The following KLF8 variants were observed in gnomAD, a reference collection of about 807,000 sequenced individuals.
The protein encoded by KLF8 is Krueppel-like factor 8.
KLF8 carries 10 observed loss-of-function variants against 18.2 expected under a neutral mutation model. The ratio of observed to expected loss-of-function variants is 0.55; its 90% CI spans 0.34 to 0.93. KLF8 has a LOEUF of 0.93. KLF8 is among the 40% of genes least tolerant of loss of function. KLF8 has a pLI of 0.02. For synonymous variants in KLF8, 109 were observed against 97.3 expected (o/e 1.12, Z -0.71); for missense variants, 264 against 277.9 (o/e 0.95, Z 0.36).
the KLF8 span, among the ~76,000 whole-genome samples, chrX:56,088,300 C>A: frequency 9.0e-6 from 1 of 111,427 alleles, no homozygotes; most frequent in Non-Finnish European, 1.9e-5. Context: ...AACTGGAGTT[C>A]TTTTCTTTTT....
the KLF8 span, among the ~76,000 whole-genome samples, chrX:56,086,156 T>TA: frequency 1.8e-5 from 2 of 112,276 alleles, no homozygotes; most frequent in African/African-American, 6.5e-5. Flanking sequence ...TGGGGACGGG[T>TA]ACAAGGAAGC....
chrX:56,226,796 A>G, the KLF8 span, among the ~76,000 whole-genome samples: 3 of 111,924 alleles, frequency 2.7e-5, no homozygotes, highest in African/African-American at 9.7e-5. Flanking sequence ...ACTACTGCTA[A>G]TCTGCCTGGC....
At chrX:56,217,590 A>C in the KLF8 span, among the ~76,000 whole-genome samples, 10 of 110,021 alleles carry the variant, frequency 9.1e-5, no homozygotes, top group Non-Finnish European at 1.5e-4. Flanking sequence ...AATTTTTTAA[A>C]AAATATTTTT....
chrX:55,935,210 G>A, the KLF8 span, among the ~76,000 whole-genome samples: 1 of 112,101 alleles, frequency 8.9e-6, no homozygotes, highest in Non-Finnish European at 1.9e-5. Flanking sequence ...ATTGTTACAA[G>A]TACTTTGAAA....
At chrX:56,049,288 A>T in the KLF8 span, among the ~76,000 whole-genome samples, 2 of 111,417 alleles carry the variant, frequency 1.8e-5, no homozygotes, top group Non-Finnish European at 3.8e-5. Flanking sequence ...TCCTGGCCAG[A>T]ACTTCCAACA....
At chrX:55,926,199 A>G in the KLF8 span, among the ~76,000 whole-genome samples, 1 of 111,648 alleles carries the variant, frequency 9.0e-6, no homozygotes, top group African/African-American at 3.3e-5. Flanking sequence ...AGTATTTTGC[A>G]TACCTGTGAC....
the KLF8 span, among the ~76,000 whole-genome samples, chrX:56,155,029 T>G: frequency 2.7e-5 from 3 of 112,066 alleles, no homozygotes; most frequent in African/African-American, 9.7e-5. Flanking sequence ...AGTTCAACCA[T>G]TGTGGAAGTC....
At chrX:55,938,733 G>A in the KLF8 span, among the ~76,000 whole-genome samples, 3 of 110,420 alleles carry the variant, frequency 2.7e-5, no homozygotes, top group South Asian at 3.9e-4. Flanking sequence ...TCCTAGTCTC[G>A]GATAAAACAG....
chrX:55,978,314 A>G, the KLF8 span, among the ~76,000 whole-genome samples: 1 of 111,749 alleles, frequency 8.9e-6, no homozygotes, highest in Non-Finnish European at 1.9e-5. Context: ...TTCTGCAGAC[A>G]TACAGACATA....
chrX:56,227,052 C>T, the KLF8 span, among the ~76,000 whole-genome samples: 1 of 112,305 alleles, frequency 8.9e-6, no homozygotes, highest in Admixed American at 9.4e-5. Flanking sequence ...CCTCTTTATT[C>T]TCTCCCTTTT....
At chrX:56,212,277 G>A in the KLF8 span, among the ~76,000 whole-genome samples, 362 of 111,838 alleles carry the variant, frequency 3.2e-3, 2 homozygotes, top group Middle Eastern at 9.2e-3. Context: ...GTGTAGCCTG[G>A]TGTTTCAGGT....
At chrX:56,210,321 A>G in the KLF8 span, among the ~76,000 whole-genome samples, 3 of 111,339 alleles carry the variant, frequency 2.7e-5, no homozygotes, top group African/African-American at 9.8e-5. Flanking sequence ...CTATTCTGGG[A>G]TAAGTTTATT....
the KLF8 span, among the ~76,000 whole-genome samples, chrX:56,057,989 A>T: frequency 9.5e-6 from 1 of 104,897 alleles, no homozygotes; most frequent in African/African-American, 3.5e-5. Context: ...ATTTGAACTC[A>T]TGCATTCTTC....
chrX:55,925,040 T>TA, the KLF8 span, among the ~76,000 whole-genome samples: 29 of 102,830 alleles, frequency 2.8e-4, 1 homozygote, highest in East Asian at 8.8e-3. Flanking sequence ...TTTTTTTTTT[T>TA]AGTATAGATG....
chrX:55,957,795 A>G, the KLF8 span, among the ~76,000 whole-genome samples: 1 of 111,590 alleles, frequency 9.0e-6, no homozygotes, highest in African/African-American at 3.3e-5. Context: ...TATGCAGAAT[A>G]TTATTAAATT....
At chrX:56,217,054 A>G in the KLF8 span, among the ~76,000 whole-genome samples, 1 of 112,078 alleles carries the variant, frequency 8.9e-6, no homozygotes, top group Non-Finnish European at 1.9e-5. Flanking sequence ...AAAGGCCTTA[A>G]TGTTGCTCAG....
At chrX:56,265,847 A>G in intron 3 of KLF8, 103 bp downstream of exon 3, 2 of 1,091,326 alleles carry the variant, frequency 1.8e-6, no homozygotes, top group Non-Finnish European at 2.4e-6. Context: ...ATTCTTGCAC[A>G]CTGCTTCAAG....
chrX:55,930,521 T>G, the KLF8 span, among the ~76,000 whole-genome samples: 1 of 112,223 alleles, frequency 8.9e-6, no homozygotes, highest in African/African-American at 3.2e-5. Flanking sequence ...GCTGTGGGTT[T>G]GTCAGAAATA....
At chrX:56,081,598 A>T in the KLF8 span, among the ~76,000 whole-genome samples, 2 of 111,966 alleles carry the variant, frequency 1.8e-5, no homozygotes, top group South Asian at 7.4e-4. Flanking sequence ...TTTGTGTATG[A>T]TTTAGCTATG....
Sources: allele counts gnomAD v4.1 joint callset (sites outside exome capture counted in the v4.1 genomes callset), GRCh38; gene constraint gnomAD v4.1.1; transcripts MANE v1.5; gene names NCBI Gene and HGNC (gene_info 2026-07-23, HGNC 2026-07-21).